MED1: variants seen among roughly 807,000 people sequenced by gnomAD.
MED1 encodes the protein mediator complex subunit 1.
In MED1, 17 loss-of-function variants were observed where a neutral mutation model predicts 121.3. That is an observed-to-expected ratio of 0.14 (90% CI 0.10 to 0.21). The LOEUF (loss-of-function observed/expected upper bound fraction) is 0.21, where lower values mean the gene tolerates loss of function less well. Ranked by LOEUF, MED1 falls within the 10% of genes least tolerant of loss-of-function variation. MED1 has a pLI of 1.00. For missense variants in MED1, 1,558 were observed against 1,919.4 expected (o/e 0.81, Z 3.52); for synonymous variants, 661 against 694.4 (o/e 0.95, Z 0.76).
intron 14 of MED1, among the ~76,000 whole-genome samples, chr17:39,415,904 C>T (rs1050810179): frequency 1.3e-5 from 2 of 149,390 alleles, no homozygotes; most frequent in Admixed American, 6.7e-5. Context: ...ACAGGAGAAT[C>T]GTTTCAACCT....
intron 6 of MED1, among the ~76,000 whole-genome samples, chr17:39,438,752 C>A (rs1021277503): frequency 1.3e-5 from 2 of 152,132 alleles, no homozygotes; most frequent in Non-Finnish European, 2.9e-5. Flanking sequence ...GGATTACAGG[C>A]GTGAGCCACC....
intron 13 of MED1, among the ~76,000 whole-genome samples, chr17:39,421,312 G>C (rs1041061820): frequency 7.3e-5 from 11 of 151,182 alleles, no homozygotes; most frequent in African/African-American, 2.7e-4. Context: ...AGCACTTTGG[G>C]AGGCGGAGTA....
chr17:39,420,535 A>G (rs1407904100), intron 13 of MED1, among the ~76,000 whole-genome samples: 1 of 151,918 alleles, frequency 6.6e-6, no homozygotes, highest in Non-Finnish European at 1.5e-5. Context: ...CACCTATATA[A>G]TAATAATGCA....
intron 5 of MED1, among the ~76,000 whole-genome samples, chr17:39,439,963 A>G (rs572171037): frequency 2.2e-5 from 3 of 137,130 alleles, no homozygotes; most frequent in South Asian, 4.5e-4. Flanking sequence ...AGAAGGAAAG[A>G]AGGAAAGAAA....
At chr17:39,428,927 G>C (rs1046985977) in intron 9 of MED1, among the ~76,000 whole-genome samples, 1 of 151,900 alleles carries the variant, frequency 6.6e-6, no homozygotes, top group Non-Finnish European at 1.5e-5. Context: ...ACTCCAGCCT[G>C]GGTGACAGAG....
rs547432381 is a variant in MED1, at chr17:39,441,373, T to C, written c.212-696A>G. Reference sequence around the variant, plus strand: ...TGAGTGAAGTTTTACAGATGGACAGTGGTGATGATTATACAATAATATGAA... The same window carrying C: ...TGAGTGAAGTTTTACAGATGGACAGCGGTGATGATTATACAATAATATGAA... On this transcript the variant is annotated intron_variant, in intron 3 of 16. Coordinates refer to ENST00000300651, the MANE Select transcript of MED1 (RefSeq NM_004774.4). Among the ~76,000 whole-genome samples the C allele has an allele frequency of 7.2e-5, 11 of 152,190 alleles. No individual in the cohort carries two copies. In the South Asian group the frequency reaches 2.3e-3, roughly 32 times the overall value.
Position 39,405,479 on chromosome 17 carries a change from G to T in MED1, c.*1996C>A. 1 of 1,403,594 alleles carries T rather than the reference G, an allele frequency of 7.1e-7. No homozygotes were observed. The allele number at this position is 1,403,594 out of a possible 1,614,324, so 86.9% of individuals were successfully genotyped here. A position where few individuals can be genotyped will look rare whatever the true frequency, so the allele number is the denominator to read the frequency against. Reference sequence around the variant, plus strand: ...CATAAATTTTTTTTTTTTTCCTGCAGAAACCAACGGGATAGGATTCAAAAC... The same window carrying T: ...CATAAATTTTTTTTTTTTTCCTGCATAAACCAACGGGATAGGATTCAAAAC... On this transcript the variant is annotated 3_prime_UTR_variant, in exon 17 of 17. Transcript: ENST00000300651.
intron 14 of MED1, among the ~76,000 whole-genome samples, chr17:39,416,620 ACATATATGCTCTATGT>A (rs1440438871): frequency 6.6e-6 from 1 of 152,188 alleles, no homozygotes; most frequent in East Asian, 1.9e-4. Context: ...ACAACTTTGA[ACATATATGCTCTATGT>A]TATTACTCCA....
Position 39,423,806 on chromosome 17 carries a change from G to A in MED1, c.867C>T (p.Ser289=). The change falls in exon 12 of 17, where the codon TCC becomes TCT. Residue 289 remains serine, a synonymous_variant. Transcript: ENST00000300651. The part of the protein sequence containing the change: ...PVDNKWTPSF[S]SITSANSVDL... The stretch of plus-strand genomic sequence containing the variant: ...CAACACTGTTGGCACTGGTGATTGA[G>A]GAGAAGGAAGGGGTCCTTCAAAAAA... The A allele has an allele frequency of 6.2e-7, 1 of 1,611,286 alleles. No individual in the cohort carries two copies. The highest frequency in any genetic ancestry group is 1.1e-5 in the South Asian group (1 of 90,362).
chr17:39,431,006 G>A lies in MED1; in HGVS notation c.649+109C>T, dbSNP rs545692426. On this transcript the variant is annotated intron_variant, in intron 9 of 16. Coordinates refer to ENST00000300651, the MANE Select transcript of MED1 (RefSeq NM_004774.4). The stretch of plus-strand genomic sequence containing the variant: ...TGCACTCCAGCCTGGGCAACAAAGT[G>A]AGACTCTGTCTCAAAAAAATAAACA... The A allele has an allele frequency of 1.3e-5, 13 of 1,026,006 alleles. No homozygotes were observed. In the African/African-American group the frequency reaches 1.8e-4, roughly 14 times the overall value. The allele number at this position is 1,026,006 out of a possible 1,614,324, so 63.6% of individuals were successfully genotyped here. A position where few individuals can be genotyped will look rare whatever the true frequency, so the allele number is the denominator to read the frequency against.
rs1270768937 is a variant in MED1 at position 39,409,566 on chromosome 17, T to C, written c.2655A>G (p.Glu885=). Residue 885 remains glutamate (E), a synonymous_variant, in exon 17 of 17, where the codon GAA becomes GAG. Transcript: ENST00000300651. The part of the protein sequence containing the change: ...QSGFGEEYFD[E]SSQSGDNDDF... ...CATCATTATCCCCACTTTGGCTGCT[T>C]TCATCAAAATATTCTTCTCCAAAAC... 1 of 1,614,156 alleles carries C rather than the reference T, an allele frequency of 6.2e-7. No individual in the cohort carries two copies.
At chr17:39,447,203 C>A (rs900313977) in intron 2 of MED1, among the ~76,000 whole-genome samples, 2 of 151,986 alleles carry the variant, frequency 1.3e-5, no homozygotes, top group African/African-American at 4.8e-5. Context: ...CCAGCCTGAC[C>A]AACATGGAGA....
chr17:39,415,494 C>T lies in MED1; in HGVS notation c.1298-155G>A, dbSNP rs575766262. On this transcript the variant is annotated intron_variant, in intron 14 of 16. Coordinates refer to ENST00000300651, the MANE Select transcript of MED1 (RefSeq NM_004774.4). ...TTCAAGACCAGCCTGGCCAACATGG[C>T]GAAACCCCAACTCCACTAAAAAATA... 6.6e-5 allele frequency among the ~76,000 whole-genome samples: 10 copies of T among 151,600 alleles called. No homozygotes were observed. The South Asian group carries it at 2.1e-3, about 32-fold the overall frequency.
At chr17:39,429,162 G>A (rs2048541856) in intron 9 of MED1, among the ~76,000 whole-genome samples, 1 of 151,450 alleles carries the variant, frequency 6.6e-6, no homozygotes, top group South Asian at 2.1e-4. Context: ...TCTAGCCTAG[G>A]CAACACAGTG....
At chr17:39,446,990 A>C (rs976926582) in intron 2 of MED1, among the ~76,000 whole-genome samples, 1 of 152,174 alleles carries the variant, frequency 6.6e-6, no homozygotes, top group African/African-American at 2.4e-5. Context: ...ACCTAATCTG[A>C]AAATCAAAAA....
At chr17:39,439,052 C>G in intron 6 of MED1, 113 bp downstream of exon 6, 1 of 963,208 alleles carries the variant, frequency 1.0e-6, no homozygotes, top group East Asian at 2.6e-5. Context: ...AAATCTTTGC[C>G]CAAGAAAATA....
intron 3 of MED1, 90 bp downstream of exon 3, chr17:39,443,460 T>G: frequency 9.0e-7 from 1 of 1,107,228 alleles, no homozygotes; most frequent in South Asian, 1.4e-5. Context: ...TTGACCTACC[T>G]CAATTTTTTA....
At chr17:39,431,866 T>A in intron 8 of MED1, 76 bp downstream of exon 8, 2 of 951,894 alleles carry the variant, frequency 2.1e-6, no homozygotes, top group South Asian at 2.8e-5. Flanking sequence ...TTAATAGAGA[T>A]GTATAAAATA....
chr17:39,440,125 A>AAGG lies in MED1; in HGVS notation c.399+260_399+261insCCT, dbSNP rs1567652144. Among the ~76,000 whole-genome samples, 2 of 149,072 alleles carry AAGG rather than the reference A, an allele frequency of 1.3e-5. No homozygotes were observed. ...GAAAGAAAAAAGAAAGAAAAGAAAG[A>AAGG]AAGGAAGGAAGGAAGGAAGGAAAGG... is the stretch of plus-strand genomic sequence containing the variant. On this transcript the variant is annotated intron_variant, in intron 5 of 16. Coordinates refer to ENST00000300651, the MANE Select transcript of MED1 (RefSeq NM_004774.4). The surrounding 1 kb of genome is among the most constrained non-coding windows in gnomAD (Gnocchi z 4.1).
Sources: allele counts gnomAD v4.1 joint callset (sites outside exome capture counted in the v4.1 genomes callset), GRCh38; gene constraint gnomAD v4.1.1; non-coding constraint Gnocchi (gnomAD v3.1); transcripts MANE v1.5; gene names NCBI Gene and HGNC (gene_info 2026-07-23, HGNC 2026-07-21).